MSH5: variants seen among roughly 807,000 people sequenced by gnomAD.
MSH5 encodes the protein mutS homolog 5.
In MSH5, 78 loss-of-function variants were observed where a neutral mutation model predicts 107.7. That is an observed-to-expected ratio of 0.72 (90% CI 0.60 to 0.87). The LOEUF is 0.87. MSH5 is among the 40% of genes least tolerant of loss of function. The pLI is 0.00. For synonymous variants in MSH5, 326 were observed against 399.5 expected, an observed-to-expected ratio of 0.82 and a Z score of 2.19; for missense variants, 889 against 1,046.6, an observed-to-expected ratio of 0.85 and a Z score of 2.08.
chr6:31,744,410 A>C, intron 7 of MSH5, 111 bp downstream of exon 7: 1 of 1,538,622 alleles, frequency 6.5e-7, no homozygotes, highest in South Asian at 1.1e-5. Flanking sequence ...CAAGTGCTCT[A>C]GGACACCCGG....
At chr6:31,747,982 A>G (rs1045595662) in intron 10 of MSH5, among the ~76,000 whole-genome samples, 1 of 145,124 alleles carries the variant, frequency 6.9e-6, no homozygotes, top group African/African-American at 2.6e-5. Flanking sequence ...CAGCCTGGGC[A>G]ACAGAGTGAG....
intron 8 of MSH5, among the ~76,000 whole-genome samples, chr6:31,744,967 G>T (rs1809281392): frequency 6.6e-6 from 1 of 151,880 alleles, no homozygotes; most frequent in South Asian, 2.1e-4. Context: ...AAAATTAGCT[G>T]GGTGTGTTGT....
rs1810880407 is a variant in MSH5 at position 31,760,367 on chromosome 6, C to T, written c.1812+151C>T. The T allele has an allele frequency of 8.5e-7, 1 of 1,176,830 alleles. No homozygotes were observed. The allele number at this position is 1,176,830 out of a possible 1,614,324, so 72.9% of individuals were successfully genotyped here. ...CATCACCCACATCCCTGTGCTTCCA[C>T]CTCACATGTTCTTATTCTCCACTGG... On this transcript the variant is annotated intron_variant, in intron 19 of 24. Coordinates refer to ENST00000375750, the MANE Select transcript of MSH5 (RefSeq NM_172166.4). The surrounding 1 kb of genome is among the most constrained non-coding windows in gnomAD (Gnocchi z 5.6).
At chr6:31,762,213 C>T (rs1811083334) in intron 24 of MSH5, 28 bp downstream of exon 24, 1 of 1,608,846 alleles carries the variant, frequency 6.2e-7, no homozygotes, top group Non-Finnish European at 8.5e-7. Flanking sequence ...GTGTCTTTAC[C>T]CTCTCTGCAT....
At chr6:31,746,746 C>G (rs1044689384) in intron 9 of MSH5, among the ~76,000 whole-genome samples, 1 of 150,962 alleles carries the variant, frequency 6.6e-6, no homozygotes, top group Non-Finnish European at 1.5e-5. Flanking sequence ...CCACCCTGCC[C>G]GGCCAGCTAT....
In MSH5 at chr6:31,745,765, G is replaced by GT. The variant is rs9279404; in HGVS notation, c.766+466dup. On this transcript the variant is annotated intron_variant, in intron 9 of 24. Transcript: ENST00000375750. ...TCATATCTCAGTAAGTTGTGTCCAG[G>GT]TTTTTTTTTTTTTTTTTTTTGATAC... 6.4e-3 allele frequency among the ~76,000 whole-genome samples: 770 copies of GT among 120,952 alleles called. 9 individuals are homozygous for GT. The highest frequency in any genetic ancestry group is 7.9e-3 in the Non-Finnish European group (484 of 60,890). 79.3% of individuals were successfully genotyped at this position (120,952 alleles called of 152,430 possible). A position where few individuals can be genotyped will look rare whatever the true frequency, so the allele number is the denominator to read the frequency against.
intron 12 of MSH5, 97 bp downstream of exon 12, chr6:31,753,726 C>T: frequency 8.8e-7 from 1 of 1,133,102 alleles, no homozygotes; most frequent in South Asian, 1.3e-5. Context: ...CAATTTTATT[C>T]TACCCTCTTT....
At chr6:31,756,527 C>T (rs1240545410) in intron 12 of MSH5, 1 of 152,178 alleles carries the variant, frequency 6.6e-6, no homozygotes, top group Non-Finnish European at 1.5e-5. Flanking sequence ...CTGATTCTTT[C>T]TTCATTTATT....
intron 8 of MSH5, 134 bp from the exon 9 acceptor site, chr6:31,745,103 C>CAAA (rs9279403): frequency 1.5e-3 from 551 of 359,436 alleles, no homozygotes; most frequent in South Asian, 2.6e-3. Flanking sequence ...GACTCCATCT[C>CAAA]AAAAAAAAAA....
rs765781483 is a variant in MSH5 at position 31,758,777 on chromosome 6, C to T, written c.1228C>T (p.Leu410=). 1 of 1,614,162 alleles carries T rather than the reference C, an allele frequency of 6.2e-7. No individual in the cohort carries two copies. The highest frequency in any genetic ancestry group is 8.5e-7 in the Non-Finnish European group (1 of 1,180,022). ...DPEIDEKKRR[L]MGLPSFLTEV... The stretch of plus-strand genomic sequence containing the variant: ...TTCCACCCTCGTAGAAAAGCGAAGA[C>T]TGATGGGACTTCCCAGTTTCCTTAC... The change falls in exon 15 of 25, where the codon CTG becomes TTG. Residue 410 remains leucine, a synonymous_variant. Transcript: ENST00000375750. The surrounding 1 kb of genome is among the most constrained non-coding windows in gnomAD (Gnocchi z 5.1).
intron 5 of MSH5, 38 bp from the exon 6 acceptor site, chr6:31,743,866 C>T (rs765619226): frequency 6.2e-7 from 1 of 1,606,994 alleles, no homozygotes. Context: ...AAAAATTGAG[C>T]TACAAGACCG....
chr6:31,761,186 A>G lies in MSH5; in HGVS notation c.1963-2A>G, dbSNP rs1382960312. ...TTCCCTTGTCCACCTTATACCCAGC[A>G]GGTGGCGAAAGCAGTGAACAATGCC... is the stretch of plus-strand genomic sequence containing the variant. On this transcript the variant is annotated splice_acceptor_variant, in intron 20 of 24. Transcript: ENST00000375750. LOFTEE classifies it high-confidence loss of function. This position sits in a 1 kb window ranked among gnomAD's most constrained non-coding sequence, Gnocchi z 5.3. The G allele has an allele frequency of 1.9e-6, 3 of 1,613,550 alleles. No individual in the cohort carries two copies. The highest frequency in any genetic ancestry group is 1.3e-5 in the African/African-American group (1 of 74,944).
chr6:31,740,580 GGAGGAAGTC>G lies in MSH5; in HGVS notation c.120_128del (p.Val41_Glu43del). 6.6e-7 allele frequency: 1 copy of G among 1,511,876 alleles called. No individual in the cohort carries two copies. The highest frequency in any genetic ancestry group is 8.8e-7 in the Non-Finnish European group (1 of 1,132,652). The allele number at this position is 1,511,876 out of a possible 1,614,324, so 93.7% of individuals were successfully genotyped here. ...TGCCGGGCCCCAGGGAGGCCGAGGA[GGAGGAAGTC>G]GAGGAGGAGGAGGAGCTGGCCGAGG... On this transcript the variant is annotated inframe_deletion, in exon 2 of 25. Coordinates refer to ENST00000375750, the MANE Select transcript of MSH5 (RefSeq NM_172166.4). The surrounding 1 kb of genome is among the most constrained non-coding windows in gnomAD (Gnocchi z 4.4).
chr6:31,742,782 G>A (rs1175512309), intron 3 of MSH5, 95 bp from the exon 4 acceptor site: 6 of 1,184,800 alleles, frequency 5.1e-6, no homozygotes. Context: ...AAATGTTTTT[G>A]AGAAGGAGAG....
rs200570010 is a variant in MSH5 at position 31,740,528 on chromosome 6, C to T, written c.62C>T (p.Ser21Phe). Reference sequence around the variant, plus strand: ...CAGGGACCGAGACCTGGGGCGGCCTCCTCCGGCTTCCCCAGCCCGGCCCCA... The same window carrying T: ...CAGGGACCGAGACCTGGGGCGGCCTTCTCCGGCTTCCCCAGCCCGGCCCCA... ...TPQGPRPGAASSGFPSPAPVP... is the reference protein window; with the variant it reads ...TPQGPRPGAAFSGFPSPAPVP... The change falls in exon 2 of 25, where the codon TCC (serine) becomes TTC (phenylalanine). Residue 21 changes from serine (S) to phenylalanine (F), a missense_variant. Around this residue, in one of 3 missense-constraint regions of MSH5, gnomAD observed 518 missense variants for 565.0 expected, o/e 0.92. Transcript: ENST00000375750. The surrounding 1 kb of genome is among the most constrained non-coding windows in gnomAD (Gnocchi z 4.4). The T allele has an allele frequency of 4.3e-5, 66 of 1,545,456 alleles. No homozygotes were observed. The African/African-American group carries it at 6.1e-4, about 14-fold the overall frequency.
At chr6:31,743,314 C>G (rs940083487) in intron 5 of MSH5, 144 bp downstream of exon 5, 3 of 817,762 alleles carry the variant, frequency 3.7e-6, no homozygotes, top group Admixed American at 2.1e-5. Flanking sequence ...ACCTGTCCCC[C>G]CAAGATCTCT....
In MSH5 at chr6:31,761,369, G is replaced by A; in HGVS notation, c.2038-103G>A. On this transcript the variant is annotated intron_variant, in intron 21 of 24. Coordinates refer to ENST00000375750, the MANE Select transcript of MSH5 (RefSeq NM_172166.4). This position sits in a 1 kb window ranked among gnomAD's most constrained non-coding sequence, Gnocchi z 5.3. The stretch of plus-strand genomic sequence containing the variant: ...CTCTGGAATGGAATAGGGCTGTGTG[G>A]GCAGAAAAGAAATAGAACACGAGAC... 6.2e-7 allele frequency: 1 copy of A among 1,604,332 alleles called. No individual in the cohort carries two copies. Among genetic ancestry groups the A allele is most frequent in the Non-Finnish European group, 8.5e-7 (1 of 1,173,930 alleles).
chr6:31,759,722 C>G lies in MSH5; in HGVS notation c.1496-64C>G. On this transcript the variant is annotated intron_variant, in intron 17 of 24. Coordinates refer to ENST00000375750, the MANE Select transcript of MSH5 (RefSeq NM_172166.4). The surrounding 1 kb of genome is among the most constrained non-coding windows in gnomAD (Gnocchi z 4.7). ...ACCTGTTTCCAGATCCCCCTAGGGG[C>G]CTCTGCCTCTCCTTCACTTTCCCCT... The G allele has an allele frequency of 6.4e-7, 1 of 1,553,594 alleles. No individual in the cohort carries two copies. Among genetic ancestry groups the G allele is most frequent in the South Asian group, 1.1e-5 (1 of 87,658 alleles).
chr6:31,748,765 C>T (rs952446536), intron 10 of MSH5, among the ~76,000 whole-genome samples: 8 of 152,056 alleles, frequency 5.3e-5, no homozygotes, highest in African/African-American at 1.2e-4. Context: ...GGGTCCATCA[C>T]GTTTACCCCA....
Sources: allele counts gnomAD v4.1 joint callset (sites outside exome capture counted in the v4.1 genomes callset), GRCh38; gene constraint gnomAD v4.1.1; regional missense constraint gnomAD v4.1.1; non-coding constraint Gnocchi (gnomAD v3.1); transcripts MANE v1.5; gene names NCBI Gene and HGNC (gene_info 2026-07-23, HGNC 2026-07-21).